Variants in UBTD2 observed in about 807,000 individuals in gnomAD.
The protein encoded by UBTD2 is ubiquitin domain-containing protein 2.
In UBTD2, 9 loss-of-function variants were observed where a neutral mutation model predicts 19.8. The observed-to-expected ratio is 0.46, with a 90% CI of 0.27 to 0.79. The LOEUF (loss-of-function observed/expected upper bound fraction) is 0.79. UBTD2 is among the 30% of genes least tolerant of loss of function. UBTD2 has a pLI of 0.14. For synonymous variants in UBTD2, 98 were observed against 103.9 expected (o/e 0.94, Z 0.35); for missense variants, 250 against 300.4 (o/e 0.83, Z 1.24).
intron 1 of UBTD2, among the ~76,000 whole-genome samples, chr5:172,264,796 A>G (rs1755340640): frequency 6.6e-6 from 1 of 152,136 alleles, no homozygotes; most frequent in East Asian, 1.9e-4. Flanking sequence ...AGATGGCTTG[A>G]GCCCAGGAGG....
chr5:172,245,711 C>CAA (rs201413159), intron 1 of UBTD2, among the ~76,000 whole-genome samples: 80 of 132,218 alleles, frequency 6.1e-4, no homozygotes, highest in African/African-American at 1.4e-3. Context: ...GACACTGACT[C>CAA]AAAAAAAAAA....
At chr5:172,216,489 A>G (rs1771544062) in intron 2 of UBTD2, among the ~76,000 whole-genome samples, 1 of 148,720 alleles carries the variant, frequency 6.7e-6, no homozygotes, top group African/African-American at 2.5e-5. Flanking sequence ...ATACTGATTC[A>G]TGCCTATAAC....
intron 1 of UBTD2, chr5:172,254,733 G>C (rs1382501455): frequency 2.6e-4 from 78 of 296,080 alleles, no homozygotes; most frequent in East Asian, 3.9e-4. Context: ...AATGCTTGTG[G>C]GGGGGAACAC....
rs555137169 is a variant in UBTD2 at position 172,283,111 on chromosome 5, G to C, written c.70+485C>G. Among the ~76,000 whole-genome samples, 77 of 152,228 alleles carry C rather than the reference G, an allele frequency of 5.1e-4. No individual in the cohort carries two copies. The highest frequency in any genetic ancestry group is 1.7e-3 in the African/African-American group (71 of 41,534). On this transcript the variant is annotated intron_variant, in intron 1 of 2. Coordinates refer to ENST00000393792, the MANE Select transcript of UBTD2 (RefSeq NM_152277.3). This position sits in a 1 kb window ranked among gnomAD's most constrained non-coding sequence, Gnocchi z 4.3. Reference sequence around the variant, plus strand: ...TTAAATGGCCAATCTGGAACCAACCGGGGCAGCTGTCATCTGAAACTCAGG... The same window carrying C: ...TTAAATGGCCAATCTGGAACCAACCCGGGCAGCTGTCATCTGAAACTCAGG...
chr5:172,244,378 C>T (rs1458323757), intron 1 of UBTD2, among the ~76,000 whole-genome samples: 1 of 147,740 alleles, frequency 6.8e-6, no homozygotes, highest in African/African-American at 2.5e-5. Flanking sequence ...CTCACTACAA[C>T]CTCTGCCTCC....
chr5:172,231,257 T>C (rs2113890309), intron 2 of UBTD2, among the ~76,000 whole-genome samples: 1 of 152,242 alleles, frequency 6.6e-6, no homozygotes, highest in South Asian at 2.1e-4. Context: ...GATTCAGATA[T>C]GAACAAAAGA....
chr5:172,262,269 G>A (rs909388129), intron 1 of UBTD2, among the ~76,000 whole-genome samples: 3 of 151,378 alleles, frequency 2.0e-5, no homozygotes, highest in Non-Finnish European at 2.9e-5. Context: ...GGCCAACATG[G>A]TGAAACCCCA....
chr5:172,258,949 C>G (rs1034285018), intron 1 of UBTD2, among the ~76,000 whole-genome samples: 4 of 152,028 alleles, frequency 2.6e-5, no homozygotes, highest in Admixed American at 6.6e-5. Flanking sequence ...CTTTCTCTTA[C>G]CTGATTGCTC....
intron 1 of UBTD2, among the ~76,000 whole-genome samples, chr5:172,236,052 T>C (rs550557580): frequency 6.6e-6 from 1 of 152,318 alleles, no homozygotes; most frequent in South Asian, 2.1e-4. Flanking sequence ...ATTTGGACTA[T>C]GCAAAACAGA....
intron 1 of UBTD2, among the ~76,000 whole-genome samples, chr5:172,263,273 G>T (rs1755309004): frequency 6.6e-6 from 1 of 152,140 alleles, no homozygotes. Context: ...ATAAATCACT[G>T]TTGAGATAGT....
chr5:172,274,823 G>A (rs1755575238), intron 1 of UBTD2, among the ~76,000 whole-genome samples: 1 of 152,056 alleles, frequency 6.6e-6, no homozygotes, highest in Non-Finnish European at 1.5e-5. Context: ...GGCGGATCAT[G>A]AGGTCAGGAG....
At chr5:172,257,272 T>A (rs1755174326) in intron 1 of UBTD2, among the ~76,000 whole-genome samples, 1 of 152,234 alleles carries the variant, frequency 6.6e-6, no homozygotes, top group South Asian at 2.1e-4. Flanking sequence ...TCACTTAGGA[T>A]AATGGCCTCC....
intron 1 of UBTD2, among the ~76,000 whole-genome samples, chr5:172,268,894 G>A (rs1755428013): frequency 6.6e-6 from 1 of 152,072 alleles, no homozygotes; most frequent in Admixed American, 6.6e-5. Context: ...GACAATTAAG[G>A]GATTTGGACT....
chr5:172,255,501 C>A (rs779158949), intron 1 of UBTD2: 2 of 340,546 alleles, frequency 5.9e-6, no homozygotes, highest in Non-Finnish European at 6.0e-6. Flanking sequence ...ACGCCGCCCA[C>A]GAGAAATAAA....
intron 2 of UBTD2, 22 bp from the exon 3 acceptor site, chr5:172,212,249 A>G (rs201497670): frequency 3.2e-6 from 5 of 1,562,256 alleles, no homozygotes; most frequent in African/African-American, 1.4e-5. Context: ...GAAGATATGA[A>G]TAAGAACTTA....
intron 2 of UBTD2, among the ~76,000 whole-genome samples, chr5:172,213,786 T>C (rs1210679111): frequency 2.0e-5 from 3 of 151,818 alleles, no homozygotes; most frequent in African/African-American, 4.9e-5. Flanking sequence ...ATACCTTTTT[T>C]TTTTCTTTTT....
At chr5:172,263,740 C>G (rs1166646881) in intron 1 of UBTD2, among the ~76,000 whole-genome samples, 1 of 152,086 alleles carries the variant, frequency 6.6e-6, no homozygotes, top group Non-Finnish European at 1.5e-5. Context: ...CTTCAGTGAG[C>G]CGAGATCGCG....
At chr5:172,228,828 A>G (rs1771830896) in intron 2 of UBTD2, among the ~76,000 whole-genome samples, 1 of 152,144 alleles carries the variant, frequency 6.6e-6, no homozygotes, top group African/African-American at 2.4e-5. Flanking sequence ...TTCCTTACAC[A>G]TAACATGCTC....
rs185791826 is a variant in UBTD2, at chr5:172,280,930, G to A, written c.70+2666C>T. 3.9e-5 allele frequency among the ~76,000 whole-genome samples: 6 copies of A among 152,090 alleles called. No homozygotes were observed. The East Asian group carries it at 1.2e-3, about 29-fold the overall frequency. On this transcript the variant is annotated intron_variant, in intron 1 of 2. Coordinates refer to ENST00000393792, the MANE Select transcript of UBTD2 (RefSeq NM_152277.3). ...GCATACATAAGAGATGGATTCAGAG[G>A]GAAAAAGGAAAGTATAGTATTTCAA...
Sources: gnomAD v4.1 joint callset for allele counts (sites outside exome capture counted in the v4.1 genomes callset) on GRCh38, gnomAD v4.1.1 for gene constraint, Gnocchi (gnomAD v3.1) non-coding constraint, MANE v1.5 for transcripts, NCBI Gene and HGNC (gene_info 2026-07-23, HGNC 2026-07-21) for gene names.